PRSS27: variants seen among roughly 807,000 people sequenced by gnomAD.
PRSS27 encodes the protein channel-activating protease 2.
Under a neutral mutation model 32.0 loss-of-function variants are expected in PRSS27, and 25 were observed. The observed-to-expected ratio is 0.78, with a 90% CI of 0.57 to 1.09. PRSS27 has a LOEUF of 1.09. PRSS27 is among the 50% of genes least tolerant of loss of function. PRSS27 has a pLI of 0.00. For missense variants in PRSS27, 401 were observed against 394.9 expected, an observed-to-expected ratio of 1.02 and a Z score of -0.13; for synonymous variants, 178 against 172.2, an observed-to-expected ratio of 1.03 and a Z score of -0.26.
In PRSS27 at chr16:2,716,524, A is replaced by T. The variant is rs561467512; in HGVS notation, c.49T>A (p.Ser17Thr). Residue 17 changes from serine (S) to threonine (T), a missense_variant and splice_region_variant, in exon 2 of 6, where the codon TCT (serine) becomes ACT (threonine). Coordinates refer to ENST00000302641, the MANE Select transcript of PRSS27 (RefSeq NM_031948.5). ...CCTGTTGCTGCCTTGGCCCTCTGAG[A>T]CCCTGGAAGTGAGGAGAGGGTGATC... ...VPLLLLLCFG[S>T]QRAKAATACG... 3.1e-6 allele frequency: 5 copies of T among 1,601,824 alleles called. No individual in the cohort carries two copies. The East Asian group carries it at 6.7e-5, about 22-fold the overall frequency.
chr16:2,715,774 G>A lies in PRSS27; in HGVS notation c.180C>T (p.Cys60=), dbSNP rs769173151. The change falls in exon 3 of 6, where the codon TGC becomes TGT. Residue 60 remains cysteine, a synonymous_variant. Transcript: ENST00000302641. ...VSIQRNGSHF[C]GGSLIAEQWV... The stretch of plus-strand genomic sequence containing the variant: ...ACTGCTCCGCGATGAGGCTGCCCCC[G>A]CAGAAGTGGCTTCCGTTGCGCTGGA... 1 of 1,596,080 alleles carries A rather than the reference G, an allele frequency of 6.3e-7. No individual in the cohort carries two copies. Among genetic ancestry groups the A allele is most frequent in the South Asian group, 1.1e-5 (1 of 88,602 alleles).
rs540666969 is a variant in PRSS27, at chr16:2,712,879, C to A, written c.679-65G>T. On this transcript the variant is annotated intron_variant, in intron 5 of 5. Transcript: ENST00000302641. The surrounding 1 kb of genome is among the most constrained non-coding windows in gnomAD (Gnocchi z 4.6). Reference sequence around the variant, plus strand: ...GTTCCCAGAGACTCAGTTGCAGCCGCACAGGAGGTGTGTAGCTCCGCAATG... The same window carrying A: ...GTTCCCAGAGACTCAGTTGCAGCCGAACAGGAGGTGTGTAGCTCCGCAATG... 118 of 1,306,338 alleles carry A rather than the reference C, an allele frequency of 9.0e-5. No individual in the cohort carries two copies. In the East Asian group the frequency reaches 3.0e-3, roughly 33 times the overall value. 80.9% of individuals were successfully genotyped at this position (1,306,338 alleles called of 1,614,324 possible).
At position 2,714,679 on chromosome 16, in the gene PRSS27, GGC is replaced by G; in HGVS notation, c.237-345_237-344del. On this transcript the variant is annotated intron_variant, in intron 3 of 5. Transcript: ENST00000302641. The surrounding 1 kb of genome is among the most constrained non-coding windows in gnomAD (Gnocchi z 4.7). Reference sequence around the variant, plus strand: ...GAGAACCACCCTCCAGGTGCAGCAGGGCCAGCCCCACCTGCGGGCCTCTGGCA... The same window carrying G: ...GAGAACCACCCTCCAGGTGCAGCAGGCAGCCCCACCTGCGGGCCTCTGGCA... 6.2e-6 allele frequency: 2 copies of G among 320,090 alleles called. No individual in the cohort carries two copies. Among genetic ancestry groups the G allele is most frequent in the Non-Finnish European group, 1.2e-5 (2 of 168,978 alleles). The allele number at this position is 320,090 out of a possible 1,614,324, so 19.8% of individuals were successfully genotyped here.
At chr16:2,716,166 G>T (rs1004104248) in intron 2 of PRSS27, 2 of 556,906 alleles carry the variant, frequency 3.6e-6, no homozygotes, top group African/African-American at 3.8e-5. Flanking sequence ...TTGTCCCAGG[G>T]CCTGACCCAA....
At position 2,717,358 on chromosome 16, in the gene PRSS27, AGGGCCTCTTGCT is replaced by A. The variant is rs1014031432; in HGVS notation, c.47-844_47-833del. The A allele has an allele frequency of 1.3e-5, 2 of 152,374 alleles. No homozygotes were observed. The highest frequency in any genetic ancestry group is 3.1e-3 in the Middle Eastern group (1 of 318). The allele number at this position is 152,374 out of a possible 1,614,324, so 9.4% of individuals were successfully genotyped here. A position where few individuals can be genotyped will look rare whatever the true frequency, so the allele number is the denominator to read the frequency against. On this transcript the variant is annotated intron_variant, in intron 1 of 5. Coordinates refer to ENST00000302641, the MANE Select transcript of PRSS27 (RefSeq NM_031948.5). The surrounding 1 kb of genome is among the most constrained non-coding windows in gnomAD (Gnocchi z 4.1). ...TTGCCTCCCACACCCCAGGACACAA[AGGGCCTCTTGCT>A]GGGCCTTTAACCAAACACTGGAGCC...
chr16:2,713,546 T>G lies in PRSS27; in HGVS notation c.661A>C (p.Lys221Gln). 6.2e-7 allele frequency: 1 copy of G among 1,614,234 alleles called. No individual in the cohort carries two copies. The highest frequency in any genetic ancestry group is 8.5e-7 in the Non-Finnish European group (1 of 1,180,034). Residue 221 changes from lysine to glutamine, a missense_variant, in exon 5 of 6, where the codon AAG becomes CAG. By Grantham distance (53) the Lys-to-Gln change is moderately conservative. Coordinates refer to ENST00000302641, the MANE Select transcript of PRSS27 (RefSeq NM_031948.5). ...GCTCCCACCTTGCAGGCATCCTTCTTGCCCTCCTCGAAGCCGGCGCACAGC... is the reference window on the plus strand; with the variant it reads ...GCTCCCACCTTGCAGGCATCCTTCTGGCCCTCCTCGAAGCCGGCGCACAGC... ...DMLCAGFEEG[K>Q]KDACKGDSGG...
intron 4 of PRSS27, 143 bp from the exon 5 acceptor site, chr16:2,713,841 C>T: frequency 9.6e-7 from 1 of 1,036,918 alleles, no homozygotes; most frequent in Non-Finnish European, 1.4e-6. Context: ...CAGACATCCT[C>T]CCTCCTTCCA....
At position 2,714,618 on chromosome 16, in the gene PRSS27, G is replaced by T; in HGVS notation, c.237-282C>A. ...GCAGCTTTCTCACCTGTGCTGTGGG[G>T]ACAGTCACAGTGCCTACCTGAAAGG... On this transcript the variant is annotated intron_variant, in intron 3 of 5. Coordinates refer to ENST00000302641, the MANE Select transcript of PRSS27 (RefSeq NM_031948.5). The surrounding 1 kb of genome is among the most constrained non-coding windows in gnomAD (Gnocchi z 4.7). 1 of 488,234 alleles carries T rather than the reference G, an allele frequency of 2.0e-6. No homozygotes were observed. Among genetic ancestry groups the T allele is most frequent in the Non-Finnish European group, 3.7e-6 (1 of 266,956 alleles). The allele number at this position is 488,234 out of a possible 1,614,324, so 30.2% of individuals were successfully genotyped here. A position where few individuals can be genotyped will look rare whatever the true frequency, so the allele number is the denominator to read the frequency against.
At position 2,712,623 on chromosome 16, in the gene PRSS27, C is replaced by G. The variant is rs550374937; in HGVS notation, c.870G>C (p.Lys290Asn). The G allele has an allele frequency of 6.3e-7, 1 of 1,580,264 alleles. No individual in the cohort carries two copies. The change falls in exon 6 of 6, where the codon AAG becomes AAC. Residue 290 changes from lysine to asparagine, a missense_variant. Lys to Asn is a moderately conservative substitution (Grantham distance 94). Transcript: ENST00000302641. This position sits in a 1 kb window ranked among gnomAD's most constrained non-coding sequence, Gnocchi z 4.6. The part of the protein sequence containing the change: ...QFQPARLGGQ[K>N] ...GGGGCTCCTGGCCCCGGGGGTCTCACTTCTGGCCGCCCAACCTCGCTGGCT... is the reference window on the plus strand; with the variant it reads ...GGGGCTCCTGGCCCCGGGGGTCTCAGTTCTGGCCGCCCAACCTCGCTGGCT...
At position 2,715,773 on chromosome 16, in the gene PRSS27, C is replaced by A. The variant is rs747325182; in HGVS notation, c.181G>T (p.Gly61Trp). ...CACTGCTCCGCGATGAGGCTGCCCC[C>A]GCAGAAGTGGCTTCCGTTGCGCTGG... ...SIQRNGSHFC[G>W]GSLIAEQWVL... Residue 61 changes from glycine to tryptophan, a missense_variant, in exon 3 of 6, where the codon GGG becomes TGG. Gly to Trp is a radical substitution (Grantham distance 184). Transcript: ENST00000302641. The A allele has an allele frequency of 9.4e-6, 15 of 1,595,804 alleles. No individual in the cohort carries two copies. In the South Asian group the frequency reaches 1.1e-4, roughly 12 times the overall value.
At position 2,714,416 on chromosome 16, in the gene PRSS27, CCACCACCGTGCCCCACACCTCTCTCTG is replaced by C; in HGVS notation, c.237-107_237-81del. 1 of 1,487,850 alleles carries C rather than the reference CCACCACCGTGCCCCACACCTCTCTCTG, an allele frequency of 6.7e-7. No individual in the cohort carries two copies. Among genetic ancestry groups the C allele is most frequent in the Non-Finnish European group, 9.2e-7 (1 of 1,090,412 alleles). The allele number at this position is 1,487,850 out of a possible 1,614,324, so 92.2% of individuals were successfully genotyped here. A position where few individuals can be genotyped will look rare whatever the true frequency, so the allele number is the denominator to read the frequency against. Reference sequence around the variant, plus strand: ...CCGGGAGGGGCTGGGGCTCCTCTGGCCACCACCGTGCCCCACACCTCTCTCTGCACAATGTCTTCGAGAGTCATCTCT... The same window carrying C: ...CCGGGAGGGGCTGGGGCTCCTCTGGCCACAATGTCTTCGAGAGTCATCTCT... On this transcript the variant is annotated intron_variant, in intron 3 of 5. Transcript: ENST00000302641. The surrounding 1 kb of genome is among the most constrained non-coding windows in gnomAD (Gnocchi z 4.7).
chr16:2,713,711 G>T lies in PRSS27; in HGVS notation c.509-13C>A. 6.2e-7 allele frequency: 1 copy of T among 1,613,758 alleles called. No individual in the cohort carries two copies. Among genetic ancestry groups the T allele is most frequent in the Non-Finnish European group, 8.5e-7 (1 of 1,179,768 alleles). On this transcript the variant is annotated splice_polypyrimidine_tract_variant and intron_variant, in intron 4 of 5. Coordinates refer to ENST00000302641, the MANE Select transcript of PRSS27 (RefSeq NM_031948.5). The stretch of plus-strand genomic sequence containing the variant: ...TCGGGCAGGAGGTCTGGAGAGGGGC[G>T]GAACAGCCCAGGGCTCAACGGACTT...
In PRSS27 at chr16:2,714,350, CAGAG is replaced by C. The variant is rs556885687; in HGVS notation, c.237-18_237-15del. On this transcript the variant is annotated splice_polypyrimidine_tract_variant and intron_variant, in intron 3 of 5. Transcript: ENST00000302641. This position sits in a 1 kb window ranked among gnomAD's most constrained non-coding sequence, Gnocchi z 4.7. ...GTCTCAGAGGTGCTGGCGGGAGAAA[CAGAG>C]AGGCGGCGTGAGGCGGCCCCTCGTG... 7.1e-3 allele frequency: 11,444 copies of C among 1,610,522 alleles called. 76 individuals carry two copies. The highest frequency in any genetic ancestry group is 0.029 in the Middle Eastern group (177 of 6,058).
chr16:2,720,000 T>C, intron 1 of PRSS27, 115 bp downstream of exon 1: 1 of 992,848 alleles, frequency 1.0e-6, no homozygotes, highest in Non-Finnish European at 1.5e-6. Context: ...GATGATGGCC[T>C]GTCCCACAGC....
rs1197933253 is a variant in PRSS27, at chr16:2,712,635, C to G, written c.858G>C (p.Leu286Phe). ...CCCGGGGGTCTCACTTCTGGCCGCC[C>G]AACCTCGCTGGCTGGAACTGCAGTT... ...IPKLQFQPARLGGQK is the reference protein window; with the variant it reads ...IPKLQFQPARFGGQK Residue 286 changes from leucine to phenylalanine, a missense_variant, in exon 6 of 6, where the codon TTG (leucine) becomes TTC (phenylalanine). Leu to Phe is a conservative substitution (Grantham distance 22). Coordinates refer to ENST00000302641, the MANE Select transcript of PRSS27 (RefSeq NM_031948.5). This position sits in a 1 kb window ranked among gnomAD's most constrained non-coding sequence, Gnocchi z 4.6. 6.3e-7 allele frequency: 1 copy of G among 1,587,398 alleles called. No homozygotes were observed. Among genetic ancestry groups the G allele is most frequent in the East Asian group, 2.3e-5 (1 of 43,494 alleles).
At chr16:2,715,153 T>C (rs1312691003) in intron 3 of PRSS27, 2 of 151,570 alleles carry the variant, frequency 1.3e-5, no homozygotes, top group Non-Finnish European at 2.9e-5. Context: ...AGATGTGGGG[T>C]TTAAAATAAT....
In PRSS27 at chr16:2,715,794, G is replaced by A; in HGVS notation, c.160C>T (p.Arg54Cys). ...GEWPWQVSIQ[R>C]NGSHFCGGSL... ...CCCCCGCAGAAGTGGCTTCCGTTGC[G>A]CTGGATGCTGACTTGCCAGGGCCAC... Residue 54 changes from arginine (R) to cysteine (C), a missense_variant, in exon 3 of 6, where the codon CGC becomes TGC. By Grantham distance (180) the Arg-to-Cys change is radical. Coordinates refer to ENST00000302641, the MANE Select transcript of PRSS27 (RefSeq NM_031948.5). 1.2e-6 allele frequency: 2 copies of A among 1,602,714 alleles called. No individual in the cohort carries two copies. The highest frequency in any genetic ancestry group is 1.1e-5 in the South Asian group (1 of 89,480).
chr16:2,718,932 G>T (rs1384672384), intron 1 of PRSS27, among the ~76,000 whole-genome samples: 2 of 152,164 alleles, frequency 1.3e-5, no homozygotes, highest in African/African-American at 4.8e-5. Context: ...GGCGCCCTGT[G>T]GGGGCTGGAA....
chr16:2,715,965 C>A (rs2067699899), intron 2 of PRSS27, 85 bp from the exon 3 acceptor site: 2 of 1,210,492 alleles, frequency 1.7e-6, no homozygotes, highest in Non-Finnish European at 2.3e-6. Context: ...ACACTCCAGT[C>A]CTCGGCCCTC....
Sources: gnomAD v4.1 joint callset for allele counts (sites outside exome capture counted in the v4.1 genomes callset) on GRCh38, gnomAD v4.1.1 for gene constraint, Gnocchi (gnomAD v3.1) non-coding constraint, MANE v1.5 for transcripts, NCBI Gene and HGNC (gene_info 2026-07-23, HGNC 2026-07-21) for gene names.